The following NCKAP5 variants were observed in gnomAD, a reference collection of about 807,000 sequenced individuals.
NCKAP5 encodes nck-associated protein 5.
Under a neutral mutation model 167.0 loss-of-function variants are expected in NCKAP5, and 92 were observed. That is an observed-to-expected ratio of 0.55 (90% CI 0.47 to 0.66). The LOEUF (loss-of-function observed/expected upper bound fraction) is 0.66, where lower values mean the gene tolerates loss of function less well. NCKAP5 is among the 30% of genes least tolerant of loss of function. The pLI, the probability that NCKAP5 is intolerant of heterozygous loss-of-function variation, is 0.00. For synonymous variants in NCKAP5, 891 were observed against 877.4 expected, an observed-to-expected ratio of 1.02 and a Z score of -0.27; for missense variants, 2,378 against 2,315.0, an observed-to-expected ratio of 1.03 and a Z score of -0.56.
chr2:132,722,580 G>A (rs1690028354), intron 19 of NCKAP5, among the ~76,000 whole-genome samples: 1 of 152,194 alleles, frequency 6.6e-6, no homozygotes, highest in East Asian at 1.9e-4. Flanking sequence ...AAATGCGGTT[G>A]ATGTGCTGAT....
Position 132,731,846 on chromosome 2 carries a change from G to T in NCKAP5, c.5334C>A (p.Asp1778Glu). The change falls in exon 17 of 20, where the codon GAC (aspartate) becomes GAA (glutamate). Residue 1778 changes from aspartate to glutamate, a missense_variant. Around this residue, in one of 3 missense-constraint regions of NCKAP5, gnomAD observed 1,325 missense variants for 1,274.5 expected, o/e 1.04. Coordinates refer to ENST00000409261, the MANE Select transcript of NCKAP5 (RefSeq NM_207363.3). ...TGGCGCTATCTGCAGGGCGCTGGCC[G>T]TCTGTGGAGGAAGGCACTTCACGTT... ...TLEREVPSST[D>E]GQRPADSAIV... The T allele has an allele frequency of 6.2e-7, 1 of 1,613,974 alleles. No individual in the cohort carries two copies. Among genetic ancestry groups the T allele is most frequent in the East Asian group, 2.2e-5 (1 of 44,866 alleles).
intron 8 of NCKAP5, among the ~76,000 whole-genome samples, chr2:132,928,006 C>A (rs972840014): frequency 6.6e-6 from 1 of 152,120 alleles, no homozygotes; most frequent in Non-Finnish European, 1.5e-5. Flanking sequence ...TAAGTAAAAG[C>A]AAAATTTCTT....
chr2:133,412,846 C>T (rs1688858105), intron 3 of NCKAP5, among the ~76,000 whole-genome samples: 1 of 152,200 alleles, frequency 6.6e-6, no homozygotes, highest in South Asian at 2.1e-4. Flanking sequence ...CTATGACTCA[C>T]TTTATCTAAA....
At chr2:132,946,860 C>T (rs6430379) in intron 8 of NCKAP5, among the ~76,000 whole-genome samples, 4 of 152,026 alleles carry the variant, frequency 2.6e-5, no homozygotes, top group South Asian at 2.1e-4. Flanking sequence ...ATGGCGCCAC[C>T]GCACTCCAGC....
At chr2:133,594,524 C>T in the NCKAP5 span, among the ~76,000 whole-genome samples, 4 of 151,474 alleles carry the variant, frequency 2.6e-5, no homozygotes, top group Non-Finnish European at 5.9e-5. Context: ...AGTAGGTATG[C>T]AACACTTTTC....
At chr2:133,401,544 T>G (rs1559454516) in intron 3 of NCKAP5, among the ~76,000 whole-genome samples, 1 of 152,142 alleles carries the variant, frequency 6.6e-6, no homozygotes, top group South Asian at 2.1e-4. Flanking sequence ...AGTGGAATCA[T>G]TGGACATCCA....
At chr2:133,325,245 T>G (rs1226044767) in intron 3 of NCKAP5, among the ~76,000 whole-genome samples, 1 of 152,026 alleles carries the variant, frequency 6.6e-6, no homozygotes, top group Non-Finnish European at 1.5e-5. Flanking sequence ...CAGAGAAATT[T>G]GAACAGGATT....
intron 11 of NCKAP5, among the ~76,000 whole-genome samples, chr2:132,828,571 T>A (rs1687294174): frequency 6.6e-6 from 1 of 152,198 alleles, no homozygotes; most frequent in Non-Finnish European, 1.5e-5. Flanking sequence ...CCTGTGGAAC[T>A]GTGAGCCAAT....
chr2:133,514,085 G>T (rs1683759191), intron 3 of NCKAP5, among the ~76,000 whole-genome samples: 1 of 152,164 alleles, frequency 6.6e-6, no homozygotes, highest in African/African-American at 2.4e-5. Context: ...GATTTCTGGG[G>T]TGATTTTTAT....
chr2:133,637,477 A>AAAAAAAAAAAAAAAAAAAAAAAAC, the NCKAP5 span, among the ~76,000 whole-genome samples: 2 of 44,702 alleles, frequency 4.5e-5, no homozygotes, highest in Admixed American at 1.9e-4. Context: ...GGTATTTTCC[A>AAAAAAAAAAAAAAAAAAAAAAAAC]AAAAAAAAAA....
At chr2:133,674,800 G>T in the NCKAP5 span, among the ~76,000 whole-genome samples, 3 of 152,314 alleles carry the variant, frequency 2.0e-5, no homozygotes, top group South Asian at 2.1e-4. Flanking sequence ...CTTCCTTCAA[G>T]AGTTTTAATC....
chr2:132,797,218 G>A (rs1684678597), intron 11 of NCKAP5, among the ~76,000 whole-genome samples: 1 of 152,182 alleles, frequency 6.6e-6, no homozygotes, highest in African/African-American at 2.4e-5. Flanking sequence ...TTAACTCAAA[G>A]TCATTAATGT....
At chr2:132,951,827 C>T (rs980808415) in intron 8 of NCKAP5, among the ~76,000 whole-genome samples, 1 of 152,148 alleles carries the variant, frequency 6.6e-6, no homozygotes, top group Non-Finnish European at 1.5e-5. Flanking sequence ...GGGGACTGCT[C>T]ATCAATCATA....
intron 4 of NCKAP5, among the ~76,000 whole-genome samples, chr2:133,236,170 CTA>C (rs1405115987): frequency 6.8e-6 from 1 of 147,770 alleles, no homozygotes; most frequent in Non-Finnish European, 1.5e-5. Context: ...GTGCTGTTGG[CTA>C]TGAGTTCGAT....
At chr2:133,477,995 G>A (rs1478794928) in intron 3 of NCKAP5, among the ~76,000 whole-genome samples, 1 of 152,152 alleles carries the variant, frequency 6.6e-6, no homozygotes, top group African/African-American at 2.4e-5. Flanking sequence ...AGGATAAGAG[G>A]GGACTGCTGT....
intron 11 of NCKAP5, among the ~76,000 whole-genome samples, chr2:132,838,438 T>C (rs1558841289): frequency 6.6e-6 from 1 of 152,106 alleles, no homozygotes; most frequent in Non-Finnish European, 1.5e-5. Context: ...GAGACCATCC[T>C]GGCTAACGTG....
chr2:133,407,567 A>G (rs1241747404), intron 3 of NCKAP5, among the ~76,000 whole-genome samples: 1 of 152,168 alleles, frequency 6.6e-6, no homozygotes, highest in Non-Finnish European at 1.5e-5. Context: ...GCCACTTAAC[A>G]CGCTGAGCCC....
At chr2:132,825,500 A>G (rs1687064494) in intron 11 of NCKAP5, among the ~76,000 whole-genome samples, 1 of 152,240 alleles carries the variant, frequency 6.6e-6, no homozygotes, top group Admixed American at 6.5e-5. Context: ...ACAGTATTTC[A>G]CATCCTCAGC....
chr2:133,523,294 A>G (rs1240718339), intron 2 of NCKAP5, among the ~76,000 whole-genome samples: 1 of 145,536 alleles, frequency 6.9e-6, no homozygotes, highest in African/African-American at 2.8e-5. Flanking sequence ...CCTCACATAC[A>G]CACAGTCACA....
Sources: gnomAD v4.1 joint callset for allele counts (sites outside exome capture counted in the v4.1 genomes callset) on GRCh38, gnomAD v4.1.1 for gene constraint, gnomAD v4.1.1 regional missense constraint, MANE v1.5 for transcripts, NCBI Gene and HGNC (gene_info 2026-07-23, HGNC 2026-07-21) for gene names.